BTRC: variants seen among roughly 807,000 people sequenced by gnomAD.
BTRC encodes the protein beta-transducin repeat containing E3 ubiquitin protein ligase.
BTRC carries 42 observed loss-of-function variants against 85.5 expected under a neutral mutation model. The ratio of observed to expected loss-of-function variants is 0.49; its 90% CI spans 0.38 to 0.64. BTRC has a LOEUF of 0.64. BTRC is among the 30% of genes least tolerant of loss of function. The probability of loss-of-function intolerance (pLI) is 0.00; values close to 1 mark genes in which losing one functional copy is unlikely to be tolerated. For missense variants in BTRC, 594 were observed against 743.5 expected (o/e 0.80, Z 2.34); for synonymous variants, 255 against 263.3 (o/e 0.97, Z 0.30).
chr10:101,381,979 TTTTTTTTTTTTTTTTTTTTTTG>T (rs1942943953), intron 1 of BTRC, among the ~76,000 whole-genome samples: 1 of 112,774 alleles, frequency 8.9e-6, no homozygotes, highest in African/African-American at 3.5e-5. Flanking sequence ...TTTTTTTTTT[TTTTTTTTTTTTTTTTTTTTTTG>T]AGATGGCGTC....
At chr10:101,464,543 C>T (rs1171463922) in intron 3 of BTRC, among the ~76,000 whole-genome samples, 1 of 134,220 alleles carries the variant, frequency 7.5e-6, no homozygotes, top group African/African-American at 2.7e-5. Flanking sequence ...TCCCCCCCAC[C>T]CCCCCCATGG....
chr10:101,383,057 A>AT (rs370353886), intron 1 of BTRC, among the ~76,000 whole-genome samples: 53,967 of 115,146 alleles, frequency 0.47, 14,179 homozygotes, highest in East Asian at 0.73. Context: ...TTCCCTGGAG[A>AT]TTTTTTTTTT....
intron 4 of BTRC, among the ~76,000 whole-genome samples, chr10:101,498,401 C>T (rs539030961): frequency 6.6e-6 from 1 of 152,118 alleles, no homozygotes; most frequent in South Asian, 2.1e-4. Flanking sequence ...GTGATCTGCC[C>T]CCCTTGGCCT....
chr10:101,481,461 G>C (rs1029678787), intron 4 of BTRC, among the ~76,000 whole-genome samples: 3 of 152,128 alleles, frequency 2.0e-5, no homozygotes, highest in Non-Finnish European at 4.4e-5. Flanking sequence ...GTTTCACTGA[G>C]AGCTGGCCAA....
intron 5 of BTRC, among the ~76,000 whole-genome samples, chr10:101,522,389 A>C (rs1303377873): frequency 1.5e-5 from 2 of 134,848 alleles, no homozygotes; most frequent in African/African-American, 2.6e-5. Flanking sequence ...AAAAAAAAAA[A>C]ACTCTAGAAA....
At chr10:101,419,505 G>A (rs1165735743) in intron 1 of BTRC, among the ~76,000 whole-genome samples, 4 of 152,166 alleles carry the variant, frequency 2.6e-5, no homozygotes, top group Non-Finnish European at 5.9e-5. Context: ...TTCAAGGGCT[G>A]TTGGACTGAG....
At chr10:101,422,447 T>G (rs1589447733) in intron 1 of BTRC, among the ~76,000 whole-genome samples, 1 of 152,252 alleles carries the variant, frequency 6.6e-6, no homozygotes, top group Non-Finnish European at 1.5e-5. Context: ...TGGTAGTTTC[T>G]TTTGCTGTGC....
intron 4 of BTRC, among the ~76,000 whole-genome samples, chr10:101,509,627 A>G (rs1247352218): frequency 6.9e-6 from 1 of 144,798 alleles, no homozygotes; most frequent in African/African-American, 2.6e-5. Context: ...ACCACGGCTC[A>G]CTGCAGGCTC....
At chr10:101,409,180 CATT>C (rs1352513846) in intron 1 of BTRC, among the ~76,000 whole-genome samples, 3 of 152,198 alleles carry the variant, frequency 2.0e-5, no homozygotes, top group Non-Finnish European at 4.4e-5. Context: ...AGTTGAAAGA[CATT>C]TACATCATTC....
intron 4 of BTRC, among the ~76,000 whole-genome samples, chr10:101,494,071 C>T (rs2134268832): frequency 6.6e-6 from 1 of 152,326 alleles, no homozygotes; most frequent in South Asian, 2.1e-4. Flanking sequence ...TTAGGAAAAA[C>T]ACAGCTCTTG....
chr10:101,485,036 C>T (rs996851027), intron 4 of BTRC, among the ~76,000 whole-genome samples: 5 of 152,130 alleles, frequency 3.3e-5, no homozygotes, highest in Non-Finnish European at 7.4e-5. Context: ...AGACATGGGG[C>T]ACCAAAACGG....
rs1213869622 is a variant in BTRC at position 101,366,946 on chromosome 10, ATTTATATATATATT to A, written c.48+12720_48+12733del. On this transcript the variant is annotated intron_variant, in intron 1 of 14. Transcript: ENST00000370187. ...TATATATTTATATATATTTATATAT[ATTTATATATATATT>A]TATATAAATATATATTTATATATTT... Among the ~76,000 whole-genome samples, 21 of 38,034 alleles carry A rather than the reference ATTTATATATATATT, an allele frequency of 5.5e-4. 1 individual carries two copies. The East Asian group carries it at 0.011, about 20-fold the overall frequency. 25.0% of individuals were successfully genotyped at this position (38,034 alleles called of 152,430 possible).
intron 13 of BTRC, among the ~76,000 whole-genome samples, chr10:101,549,189 C>A (rs1299010990): frequency 6.7e-6 from 1 of 149,546 alleles, no homozygotes; most frequent in Non-Finnish European, 1.5e-5. Context: ...AATCTCAGAG[C>A]TTTGGGAGGC....
At chr10:101,495,780 T>C (rs145309626) in intron 4 of BTRC, among the ~76,000 whole-genome samples, 56 of 149,326 alleles carry the variant, frequency 3.8e-4, no homozygotes, top group Non-Finnish European at 6.2e-4. Flanking sequence ...GAAGTGAACA[T>C]ACCTGTGTGA....
At chr10:101,466,277 C>G (rs563536767) in intron 3 of BTRC, among the ~76,000 whole-genome samples, 1 of 152,230 alleles carries the variant, frequency 6.6e-6, no homozygotes, top group Admixed American at 6.5e-5. Context: ...GTAGAGCTCT[C>G]TCAACTCTCT....
At chr10:101,517,643 A>G (rs1393754322) in intron 4 of BTRC, among the ~76,000 whole-genome samples, 1 of 152,170 alleles carries the variant, frequency 6.6e-6, no homozygotes, top group African/African-American at 2.4e-5. Context: ...AGTTGTACCC[A>G]TTTGTGATTA....
chr10:101,437,326 A>G (rs1179082739), intron 2 of BTRC, among the ~76,000 whole-genome samples: 1 of 152,194 alleles, frequency 6.6e-6, no homozygotes, highest in African/African-American at 2.4e-5. Flanking sequence ...AGTATCACCC[A>G]TATGCCTTCC....
At chr10:101,475,922 C>CGTATATATATATAT in intron 3 of BTRC, among the ~76,000 whole-genome samples, 1 of 67,538 alleles carries the variant, frequency 1.5e-5, no homozygotes, top group African/African-American at 4.9e-5. Context: ...AGTATTTTGC[C>CGTATATATATATAT]ATATATATAT....
intron 2 of BTRC, among the ~76,000 whole-genome samples, chr10:101,442,808 G>A (rs911038976): frequency 6.6e-6 from 1 of 150,574 alleles, no homozygotes; most frequent in Admixed American, 6.6e-5. Flanking sequence ...GAAATAAGGT[G>A]TTACCAGATT....
Sources: allele counts gnomAD v4.1 joint callset (sites outside exome capture counted in the v4.1 genomes callset), GRCh38; gene constraint gnomAD v4.1.1; transcripts MANE v1.5; gene names NCBI Gene and HGNC (gene_info 2026-07-23, HGNC 2026-07-21).